PCSK2: variants seen among roughly 807,000 people sequenced by gnomAD.
PCSK2 encodes neuroendocrine convertase 2.
A neutral mutation model predicts 69.7 loss-of-function variants in PCSK2; 14 were observed. The observed-to-expected ratio is 0.20, with a 90% confidence interval of 0.13 to 0.31. The LOEUF (loss-of-function observed/expected upper bound fraction) is 0.31, where lower values mean the gene tolerates loss of function less well. PCSK2 is among the 10% of genes least tolerant of loss of function. The pLI, the probability that PCSK2 is intolerant of heterozygous loss-of-function variation, is 1.00. For synonymous variants in PCSK2, 307 were observed against 320.7 expected (o/e 0.96, Z 0.46); for missense variants, 544 against 842.5 (o/e 0.65, Z 4.39).
At chr20:17,378,327 A>G (rs2030987766) in intron 5 of PCSK2, among the ~76,000 whole-genome samples, 1 of 152,182 alleles carries the variant, frequency 6.6e-6, no homozygotes, top group South Asian at 2.1e-4. Flanking sequence ...ATACTAGACA[A>G]ATGGGTAATT....
intron 5 of PCSK2, among the ~76,000 whole-genome samples, chr20:17,386,360 T>A (rs921759815): frequency 6.6e-6 from 1 of 152,162 alleles, no homozygotes; most frequent in Non-Finnish European, 1.5e-5. Flanking sequence ...AATCAATCGA[T>A]GAATGGAGAA....
At chr20:17,402,954 C>T (rs2031675750) in intron 5 of PCSK2, among the ~76,000 whole-genome samples, 1 of 150,788 alleles carries the variant, frequency 6.6e-6, no homozygotes. Flanking sequence ...GAGACTCCGT[C>T]TCAAAAAAAA....
chr20:17,294,404 C>A (rs1323067201), intron 2 of PCSK2, among the ~76,000 whole-genome samples: 1 of 152,206 alleles, frequency 6.6e-6, no homozygotes, highest in African/African-American at 2.4e-5. Context: ...CCGCGCCCGG[C>A]CTGCAGTCCT....
At chr20:17,435,133 A>G (rs2269011) in intron 7 of PCSK2, among the ~76,000 whole-genome samples, 53,525 of 152,106 alleles carry the variant, frequency 0.35, 9,901 homozygotes, top group South Asian at 0.57. Context: ...ATGGGTTAAT[A>G]GTAGAAGATG....
chr20:17,353,479 A>AAG (rs2030075633), intron 2 of PCSK2, among the ~76,000 whole-genome samples: 1 of 151,450 alleles, frequency 6.6e-6, no homozygotes, highest in Non-Finnish European at 1.5e-5. Flanking sequence ...AAAAAAAAAA[A>AAG]AGTCAAAAAA....
intron 2 of PCSK2, among the ~76,000 whole-genome samples, chr20:17,268,709 T>C (rs569793778): frequency 5.9e-5 from 9 of 152,282 alleles, no homozygotes; most frequent in African/African-American, 1.9e-4. Context: ...GAATTGACTC[T>C]GAATGAGATG....
intron 4 of PCSK2, 54 bp downstream of exon 4, chr20:17,360,694 C>T: frequency 9.4e-7 from 1 of 1,068,852 alleles, no homozygotes; most frequent in Non-Finnish European, 1.4e-6. Context: ...CTTTGCTTGC[C>T]TTTTGATAAA....
chr20:17,228,906 G>A (rs1986037080), intron 1 of PCSK2, among the ~76,000 whole-genome samples: 1 of 152,200 alleles, frequency 6.6e-6, no homozygotes, highest in African/African-American at 2.4e-5. Context: ...TCTGGAAAGC[G>A]TGGGTGGAGC....
chr20:17,389,671 G>A (rs1436369385), intron 5 of PCSK2, among the ~76,000 whole-genome samples: 1 of 152,176 alleles, frequency 6.6e-6, no homozygotes, highest in Non-Finnish European at 1.5e-5. Context: ...GGAGCTGTGA[G>A]GACTAGAATG....
At chr20:17,250,635 A>G (rs1259234799) in intron 1 of PCSK2, among the ~76,000 whole-genome samples, 1 of 152,178 alleles carries the variant, frequency 6.6e-6, no homozygotes, top group Admixed American at 6.5e-5. Context: ...CATTTCTTCT[A>G]CATTTATTAA....
chr20:17,287,917 G>T (rs1988573245), intron 2 of PCSK2, among the ~76,000 whole-genome samples: 1 of 152,156 alleles, frequency 6.6e-6, no homozygotes, highest in Admixed American at 6.5e-5. Context: ...ACCTGACCTT[G>T]ATGTACCCTC....
Position 17,480,184 on chromosome 20 carries a change from C to CTTTTTTTTTTTTTTTT in PCSK2, c.1431-1392_1431-1377dup, listed in dbSNP as rs1164266992. ...ATTAATTTACCCATTTTCAGCTTTT[C>CTTTTTTTTTTTTTTTT]TTTTTTTTTTTTTTTTTTTTTTTGA... is the stretch of plus-strand genomic sequence containing the variant. On this transcript the variant is annotated intron_variant, in intron 11 of 11. Transcript: ENST00000262545. Among the ~76,000 whole-genome samples the CTTTTTTTTTTTTTTTT allele has an allele frequency of 2.1e-3, 162 of 76,968 alleles. 11 individuals are homozygous for CTTTTTTTTTTTTTTTT. Among genetic ancestry groups the CTTTTTTTTTTTTTTTT allele is most frequent in the African/African-American group, 2.6e-3 (45 of 17,050 alleles). 50.5% of individuals were successfully genotyped at this position (76,968 alleles called of 152,430 possible).
At chr20:17,355,794 C>T (rs992613916) in intron 2 of PCSK2, among the ~76,000 whole-genome samples, 1 of 152,120 alleles carries the variant, frequency 6.6e-6, no homozygotes, top group Non-Finnish European at 1.5e-5. Flanking sequence ...CACACTCCCC[C>T]CAGTGACTGC....
intron 5 of PCSK2, among the ~76,000 whole-genome samples, chr20:17,387,113 G>T (rs927600942): frequency 6.6e-6 from 1 of 152,152 alleles, no homozygotes; most frequent in African/African-American, 2.4e-5. Context: ...TCTATATTTA[G>T]TTACTGTGAT....
intron 2 of PCSK2, among the ~76,000 whole-genome samples, chr20:17,347,785 G>GTCGAAAGA: frequency 1.2e-5 from 1 of 86,646 alleles, no homozygotes; most frequent in Non-Finnish European, 2.3e-5. Context: ...AAGACACATA[G>GTCGAAAGA]ACGAAAGAAA....
chr20:17,427,155 T>G (rs1231785464), intron 6 of PCSK2, among the ~76,000 whole-genome samples: 1 of 152,238 alleles, frequency 6.6e-6, no homozygotes, highest in East Asian at 1.9e-4. Context: ...TGTGAGGATT[T>G]AATAGGATAA....
intron 1 of PCSK2, among the ~76,000 whole-genome samples, chr20:17,243,934 G>A (rs1015191533): frequency 2.0e-5 from 3 of 152,106 alleles, no homozygotes; most frequent in African/African-American, 7.2e-5. Flanking sequence ...TGTGATCTTG[G>A]ATTGAACTTT....
intron 11 of PCSK2, among the ~76,000 whole-genome samples, chr20:17,467,545 C>T (rs370085875): frequency 5.3e-5 from 8 of 152,122 alleles, no homozygotes; most frequent in African/African-American, 7.2e-5. Context: ...TGACAAAGTC[C>T]GAGGAGGAGC....
chr20:17,249,837 G>T (rs188053983), intron 1 of PCSK2, among the ~76,000 whole-genome samples: 248 of 143,012 alleles, frequency 1.7e-3, no homozygotes, highest in African/African-American at 6.1e-3. Context: ...TTCCAGGGCT[G>T]GGGGGGGAAT....
Sources: gnomAD v4.1 joint callset for allele counts (sites outside exome capture counted in the v4.1 genomes callset) on GRCh38, gnomAD v4.1.1 for gene constraint, MANE v1.5 for transcripts, NCBI Gene and HGNC (gene_info 2026-07-23, HGNC 2026-07-21) for gene names.